Variants in DSE observed in about 807,000 individuals in gnomAD.
The protein encoded by DSE is dermatan-sulfate epimerase.
In DSE, 36 loss-of-function variants were observed where a neutral mutation model predicts 84.4. The ratio of observed to expected loss-of-function variants is 0.43; its 90% CI spans 0.33 to 0.56. The LOEUF (loss-of-function observed/expected upper bound fraction) is 0.56. Among genes scored for constraint, DSE ranks in the 20% least tolerant of loss-of-function variants. The probability of loss-of-function intolerance (pLI) is 0.06; values close to 1 mark genes in which losing one functional copy is unlikely to be tolerated. For synonymous variants in DSE, 410 were observed against 430.1 expected, an observed-to-expected ratio of 0.95 and a Z score of 0.58; for missense variants, 862 against 1,169.6, an observed-to-expected ratio of 0.74 and a Z score of 3.84.
intron 2 of DSE, among the ~76,000 whole-genome samples, chr6:116,260,169 A>G (rs1772351178): frequency 6.6e-6 from 1 of 152,118 alleles, no homozygotes; most frequent in Non-Finnish European, 1.5e-5. Flanking sequence ...CTTTTTAATA[A>G]TAGCCATTCT....
At chr6:116,268,698 T>C (rs946789109) in intron 2 of DSE, among the ~76,000 whole-genome samples, 1 of 152,194 alleles carries the variant, frequency 6.6e-6, no homozygotes, top group East Asian at 1.9e-4. Flanking sequence ...TGCATATACA[T>C]TGAGAATCAA....
intron 2 of DSE, chr6:116,279,181 T>G (rs761048040): frequency 4.3e-6 from 7 of 1,612,414 alleles, no homozygotes; most frequent in Non-Finnish European, 4.2e-6. Flanking sequence ...GGGCCCTTCT[T>G]CCTCCCTCGC....
intron 1 of DSE, among the ~76,000 whole-genome samples, chr6:116,371,359 A>AG (rs965404622): frequency 6.6e-6 from 1 of 152,082 alleles, no homozygotes; most frequent in Non-Finnish European, 1.5e-5. Flanking sequence ...AGCAGCCTCG[A>AG]GGGGCAGCTT....
chr6:116,362,815 T>A (rs1778976849), intron 2 of DSE, among the ~76,000 whole-genome samples: 1 of 152,184 alleles, frequency 6.6e-6, no homozygotes, highest in African/African-American at 2.4e-5. Context: ...AGGGCATCAT[T>A]TATTTTCCCA....
At chr6:116,407,337 G>A (rs1371020785) in intron 2 of DSE, among the ~76,000 whole-genome samples, 1 of 152,130 alleles carries the variant, frequency 6.6e-6, no homozygotes, top group African/African-American at 2.4e-5. Flanking sequence ...AGTGGTTTGT[G>A]GGAGAGAAAA....
chr6:116,368,523 T>C (rs527405175), upstream of DSE, among the ~76,000 whole-genome samples: 33 of 152,338 alleles, frequency 2.2e-4, no homozygotes, highest in African/African-American at 7.9e-4. Context: ...GAACACTGCA[T>C]TGAGTGTAGT....
intron 2 of DSE, among the ~76,000 whole-genome samples, chr6:116,407,312 A>G (rs1484915883): frequency 6.6e-6 from 1 of 152,196 alleles, no homozygotes; most frequent in African/African-American, 2.4e-5. Flanking sequence ...GAGATGGAGA[A>G]TATGGGGAGG....
chr6:116,293,442 T>G (rs973847304), intron 2 of DSE, among the ~76,000 whole-genome samples: 4 of 152,104 alleles, frequency 2.6e-5, no homozygotes, highest in Admixed American at 1.3e-4. Context: ...CAGCTAATTT[T>G]TGTACTTTTG....
At chr6:116,405,011 C>G (rs535367199) in intron 2 of DSE, among the ~76,000 whole-genome samples, 1 of 147,122 alleles carries the variant, frequency 6.8e-6, no homozygotes, top group African/African-American at 2.5e-5. Context: ...TTGCAACAGA[C>G]TGAGTATTAA....
Position 116,441,403 on chromosome 6 carries a change from A to C in DSE, c.*4058A>C, listed in dbSNP as rs1026036570. ...GCCTTATTTAAAAAACAAAACAATA[A>C]ATTATCTGTCCCTTCCCCTCTCATT... On this transcript the variant is annotated 3_prime_UTR_variant, in exon 6 of 6. Transcript: ENST00000644252. 1.3e-5 allele frequency: 2 copies of C among 152,186 alleles called. No homozygotes were observed. The highest frequency in any genetic ancestry group is 2.4e-5 in the African/African-American group (1 of 41,448). The allele number at this position is 152,186 out of a possible 1,614,324, so 9.4% of individuals were successfully genotyped here. A position where few individuals can be genotyped will look rare whatever the true frequency, so the allele number is the denominator to read the frequency against.
chr6:116,274,567 C>T (rs1270588955), intron 2 of DSE, among the ~76,000 whole-genome samples: 5 of 142,260 alleles, frequency 3.5e-5, no homozygotes, highest in Non-Finnish European at 7.6e-5. Context: ...GCAACAAGAG[C>T]AAAACTCTGT....
intron 2 of DSE, among the ~76,000 whole-genome samples, chr6:116,335,557 T>A (rs1357064213): frequency 1.3e-5 from 2 of 152,206 alleles, no homozygotes; most frequent in Non-Finnish European, 2.9e-5. Flanking sequence ...TTTCTTCTCC[T>A]TTGTTTGATT....
intron 2 of DSE, among the ~76,000 whole-genome samples, chr6:116,303,087 T>C (rs1775135209): frequency 6.6e-6 from 1 of 152,186 alleles, no homozygotes; most frequent in African/African-American, 2.4e-5. Context: ...CTTTCTCTTC[T>C]CTGGCCACAG....
chr6:116,308,503 T>C (rs921496095), intron 2 of DSE, among the ~76,000 whole-genome samples: 1 of 152,214 alleles, frequency 6.6e-6, no homozygotes. Flanking sequence ...ATTATGACGA[T>C]GGCCTGGCAT....
At chr6:116,360,890 CAATT>C (rs1778848448) in intron 2 of DSE, among the ~76,000 whole-genome samples, 1 of 152,084 alleles carries the variant, frequency 6.6e-6, no homozygotes, top group Non-Finnish European at 1.5e-5. Flanking sequence ...GACTGCATGA[CAATT>C]AAATTCACTG....
chr6:116,437,149 C>T lies in DSE; in HGVS notation c.2681C>T (p.Pro894Leu). 1.2e-6 allele frequency: 2 copies of T among 1,614,142 alleles called. No individual in the cohort carries two copies. The highest frequency in any genetic ancestry group is 1.3e-5 in the African/African-American group (1 of 75,030). Residue 894 changes from proline to leucine, a missense_variant, in exon 6 of 6, where the codon CCA becomes CTA. Coordinates refer to ENST00000644252, the MANE Select transcript of DSE (RefSeq NM_013352.4). ...RMVTTTHSRA[P>L]SLSASYTRLF... ...GTGACAACTACACACAGCAGGGCCC[C>T]ATCACTGTCTGCTTCCTATACCAGG...
intron 1 of DSE, among the ~76,000 whole-genome samples, chr6:116,389,836 AT>A (rs1417738831): frequency 1.3e-5 from 2 of 152,124 alleles, no homozygotes; most frequent in African/African-American, 4.8e-5. Context: ...GTTTTTAAAA[AT>A]ATATTGCAAA....
intron 3 of DSE, among the ~76,000 whole-genome samples, chr6:116,429,305 C>T (rs1232383043): frequency 6.6e-6 from 1 of 152,086 alleles, no homozygotes; most frequent in Non-Finnish European, 1.5e-5. Context: ...TAGCCTGGGA[C>T]CTATATTTAG....
intron 2 of DSE, among the ~76,000 whole-genome samples, chr6:116,418,597 C>A (rs1782871425): frequency 6.6e-6 from 1 of 152,152 alleles, no homozygotes; most frequent in Non-Finnish European, 1.5e-5. Context: ...TTTCTCAGAT[C>A]TCATGCCTTG....
Sources: allele counts gnomAD v4.1 joint callset (sites outside exome capture counted in the v4.1 genomes callset), GRCh38; gene constraint gnomAD v4.1.1; transcripts MANE v1.5; gene names NCBI Gene and HGNC (gene_info 2026-07-23, HGNC 2026-07-21).